Variants in FAM186A observed in about 807,000 individuals in gnomAD.
FAM186A encodes protein FAM186A.
Under a neutral mutation model 216.8 loss-of-function variants are expected in FAM186A, and 163 were observed. The ratio of observed to expected loss-of-function variants is 0.75; its 90% CI spans 0.66 to 0.86. The LOEUF (loss-of-function observed/expected upper bound fraction) is 0.86, where lower values mean the gene tolerates loss of function less well. Among genes scored for constraint, FAM186A ranks in the 40% least tolerant of loss-of-function variants. The pLI is 0.00. For synonymous variants in FAM186A, 805 were observed against 1,025.3 expected, an observed-to-expected ratio of 0.79 and a Z score of 4.10; for missense variants, 2,184 against 2,746.2, an observed-to-expected ratio of 0.80 and a Z score of 4.58.
chr12:50,348,373 G>C (rs1172659495), intron 4 of FAM186A, among the ~76,000 whole-genome samples: 1 of 151,248 alleles, frequency 6.6e-6, no homozygotes, highest in Non-Finnish European at 1.5e-5. Flanking sequence ...GTTTCACCAT[G>C]TTGGCCAGCT....
chr12:50,342,033 G>A (rs1252001688), intron 4 of FAM186A, among the ~76,000 whole-genome samples: 4 of 151,702 alleles, frequency 2.6e-5, no homozygotes, highest in Non-Finnish European at 5.9e-5. Context: ...ACTTCACAAA[G>A]ATAATACCAT....
At chr12:50,356,372 TAA>T in intron 3 of FAM186A, 124 bp from the exon 4 acceptor site, 2 of 723,810 alleles carry the variant, frequency 2.8e-6, no homozygotes, top group African/African-American at 1.8e-5. Context: ...AGATAAAGAT[TAA>T]TCTGAAAACT....
At chr12:50,385,215 C>G (rs1425392029) in intron 1 of FAM186A, among the ~76,000 whole-genome samples, 1 of 148,372 alleles carries the variant, frequency 6.7e-6, no homozygotes, top group African/African-American at 2.5e-5. Context: ...GTCAGGAGTT[C>G]AAGACCAGCC....
At chr12:50,330,398 A>C (rs1385065219) in intron 7 of FAM186A, among the ~76,000 whole-genome samples, 175 bp downstream of exon 7, 3 of 152,224 alleles carry the variant, frequency 2.0e-5, no homozygotes, top group Non-Finnish European at 2.9e-5. Context: ...TAGAAACACT[A>C]ACAGACTAAT....
At position 50,354,274 on chromosome 12, in the gene FAM186A, T is replaced by C. The variant is rs1424653579; in HGVS notation, c.2558A>G (p.His853Arg). Residue 853 changes from histidine (H) to arginine (R), a missense_variant, in exon 4 of 8, where the codon CAC becomes CGC. His to Arg is a conservative substitution (Grantham distance 29). Transcript: ENST00000327337. ...LLGERNLLKEHYEKISENWEE... is the reference protein window; with the variant it reads ...LLGERNLLKERYEKISENWEE... ...CCAATTCTCACTTATCTTCTCATAGTGCTCCTTCAAGAGATTTCTTTCTCC... is the reference window on the plus strand; with the variant it reads ...CCAATTCTCACTTATCTTCTCATAGCGCTCCTTCAAGAGATTTCTTTCTCC... The C allele has an allele frequency of 6.4e-7, 1 of 1,551,554 alleles. No homozygotes were observed. The highest frequency in any genetic ancestry group is 2.4e-5 in the East Asian group (1 of 40,942).
In FAM186A at chr12:50,355,885, A is replaced by C. The variant is rs999399596; in HGVS notation, c.947T>G (p.Leu316Arg). ...TTCTGCATCTTGAAGTTTCTGCTGA[A>C]GCATTTCATTTTCGTTACTGAGATC... Reference protein sequence around the residue: ...IRDLSNENEMLQQKLQDAEEK... With the variant: ...IRDLSNENEMRQQKLQDAEEK... Residue 316 changes from leucine to arginine, a missense_variant, in exon 4 of 8, where the codon CTT becomes CGT. Physicochemically the swap from Leu to Arg is moderately radical, Grantham distance 102 (BLOSUM62 -2). Around this residue, in one of 7 missense-constraint regions of FAM186A, gnomAD observed 1,132 missense variants for 1,263.4 expected, o/e 0.90. Transcript: ENST00000327337. 7 of 1,551,326 alleles carry C rather than the reference A, an allele frequency of 4.5e-6. No homozygotes were observed. The highest frequency in any genetic ancestry group is 6.1e-6 in the Non-Finnish European group (7 of 1,146,940).
chr12:50,384,751 A>G (rs1248343761), intron 1 of FAM186A, among the ~76,000 whole-genome samples: 1 of 152,168 alleles, frequency 6.6e-6, no homozygotes, highest in Non-Finnish European at 1.5e-5. Flanking sequence ...GTACAGAAGA[A>G]TGAAATTAGA....
At chr12:50,368,125 A>G (rs563797602) in intron 1 of FAM186A, among the ~76,000 whole-genome samples, 1 of 151,952 alleles carries the variant, frequency 6.6e-6, no homozygotes, top group African/African-American at 2.4e-5. Flanking sequence ...AGCCTGGGTA[A>G]CAGAGAGCGA....
Position 50,355,135 on chromosome 12 carries a change from T to G in FAM186A, c.1697A>C (p.Lys566Thr). Residue 566 changes from lysine (K) to threonine (T), a missense_variant, in exon 4 of 8, where the codon AAA becomes ACA. Physicochemically the swap from Lys to Thr is moderately conservative, Grantham distance 78. This residue lies in a region of FAM186A where 1,132 missense variants were observed against 1,263.4 expected (regional missense o/e 0.90). Coordinates refer to ENST00000327337, the MANE Select transcript of FAM186A (RefSeq NM_001145475.3). ...CAATGACTCAGTGGTGGGTTCCACT[T>G]TAATCTCTGCTGCAGTTGGACGTTT... is the stretch of plus-strand genomic sequence containing the variant. ...FDKRPTAAEI[K>T]VEPTTESLDK... is the part of the protein sequence containing the mutation. The G allele has an allele frequency of 6.4e-7, 1 of 1,551,650 alleles. No homozygotes were observed. The highest frequency in any genetic ancestry group is 8.7e-7 in the Non-Finnish European group (1 of 1,146,974).
At position 50,327,333 on chromosome 12, in the gene FAM186A, C is replaced by T. The variant is rs770196128; in HGVS notation, c.*50G>A. Reference sequence around the variant, plus strand: ...GAAAGAGAACAAAATAGGCATTTTACTGAAAGATACTGAAATGTACTTTCA... The same window carrying T: ...GAAAGAGAACAAAATAGGCATTTTATTGAAAGATACTGAAATGTACTTTCA... On this transcript the variant is annotated 3_prime_UTR_variant, in exon 8 of 8. Coordinates refer to ENST00000327337, the MANE Select transcript of FAM186A (RefSeq NM_001145475.3). The T allele has an allele frequency of 6.2e-6, 9 of 1,454,044 alleles. No individual in the cohort carries two copies. The East Asian group carries it at 9.9e-5, about 16-fold the overall frequency. The allele number at this position is 1,454,044 out of a possible 1,614,324, so 90.1% of individuals were successfully genotyped here.
intron 3 of FAM186A, among the ~76,000 whole-genome samples, chr12:50,359,394 G>A (rs145438192): frequency 0.01 from 1,531 of 151,886 alleles, 22 homozygotes; most frequent in African/African-American, 0.034. Context: ...GTGAAACTCC[G>A]TCTCAAAAAA....
At chr12:50,346,566 C>T (rs147789703) in intron 4 of FAM186A, among the ~76,000 whole-genome samples, 40 of 151,964 alleles carry the variant, frequency 2.6e-4, no homozygotes, top group Admixed American at 1.4e-3. Context: ...ATACAAAAAT[C>T]GCCGGGCGTG....
chr12:50,329,313 A>G lies in FAM186A; in HGVS notation c.7034+1260T>C, dbSNP rs926211512. On this transcript the variant is annotated intron_variant, in intron 7 of 7. Coordinates refer to ENST00000327337, the MANE Select transcript of FAM186A (RefSeq NM_001145475.3). The stretch of plus-strand genomic sequence containing the variant: ...CTATAATCATTAAATTAACAATATT[A>G]TCTCTCAAAATAACCTAAATTAATT... Among the ~76,000 whole-genome samples, 3 of 152,236 alleles carry G rather than the reference A, an allele frequency of 2.0e-5. No homozygotes were observed. In the East Asian group the frequency reaches 5.8e-4, roughly 29 times the overall value.
intron 1 of FAM186A, among the ~76,000 whole-genome samples, chr12:50,368,575 G>T (rs1310861587): frequency 6.6e-6 from 1 of 151,964 alleles, no homozygotes; most frequent in Non-Finnish European, 1.5e-5. Context: ...ATATTGTTAA[G>T]ATGTCAATAC....
chr12:50,379,249 C>A (rs952818392), intron 1 of FAM186A, among the ~76,000 whole-genome samples: 12 of 151,336 alleles, frequency 7.9e-5, no homozygotes, highest in African/African-American at 2.7e-4. Flanking sequence ...GACCCTCCTA[C>A]CTAACATGGT....
intron 1 of FAM186A, among the ~76,000 whole-genome samples, chr12:50,395,773 T>C (rs1943406411): frequency 6.6e-6 from 1 of 152,176 alleles, no homozygotes; most frequent in Non-Finnish European, 1.5e-5. Flanking sequence ...AACTTTTTTT[T>C]TTTTTGAGAT....
At chr12:50,375,423 C>T (rs772074091) in intron 1 of FAM186A, among the ~76,000 whole-genome samples, 6 of 151,840 alleles carry the variant, frequency 4.0e-5, no homozygotes, top group Non-Finnish European at 8.8e-5. Context: ...TTGGCACACA[C>T]CTATAATCCC....
intron 1 of FAM186A, among the ~76,000 whole-genome samples, chr12:50,381,119 G>A (rs141282206): frequency 9.8e-5 from 15 of 152,308 alleles, no homozygotes; most frequent in East Asian, 9.7e-4. Flanking sequence ...AGAGGGTGTC[G>A]CAGCCCTGGC....
intron 6 of FAM186A, 89 bp from the exon 7 acceptor site, chr12:50,330,847 A>T: frequency 8.8e-7 from 1 of 1,135,540 alleles, no homozygotes; most frequent in Non-Finnish European, 1.2e-6. Context: ...CTTCACTGCC[A>T]CCTTGTCCTA....
Sources: allele counts gnomAD v4.1 joint callset (sites outside exome capture counted in the v4.1 genomes callset), GRCh38; gene constraint gnomAD v4.1.1; regional missense constraint gnomAD v4.1.1; transcripts MANE v1.5; gene names NCBI Gene and HGNC (gene_info 2026-07-23, HGNC 2026-07-21).